The following TIAM1 variants were observed in gnomAD, a reference collection of about 807,000 sequenced individuals.
TIAM1 encodes the protein TIAM Rac1 associated GEF 1.
Under a neutral mutation model 163.5 loss-of-function variants are expected in TIAM1, and 65 were observed. That is an observed-to-expected ratio of 0.40 (90% CI 0.33 to 0.49). The LOEUF (loss-of-function observed/expected upper bound fraction) is 0.49. Ranked by LOEUF, TIAM1 falls within the 20% of genes least tolerant of loss-of-function variation. TIAM1 has a pLI of 0.77. For synonymous variants in TIAM1, 833 were observed against 810.1 expected (o/e 1.03, Z -0.48); for missense variants, 1,789 against 2,044.7 (o/e 0.87, Z 2.41).
chr21:31,171,070 C>A (rs534108153), intron 15 of TIAM1, among the ~76,000 whole-genome samples: 1 of 142,534 alleles, frequency 7.0e-6, no homozygotes, highest in East Asian at 2.0e-4. Flanking sequence ...AAATTGGGGG[C>A]CATCTGTATA....
At chr21:31,207,639 G>A (rs993006225) in intron 11 of TIAM1, among the ~76,000 whole-genome samples, 4 of 152,174 alleles carry the variant, frequency 2.6e-5, no homozygotes, top group Non-Finnish European at 4.4e-5. Flanking sequence ...AGCTTTAGAA[G>A]GCACCTGGCC....
intron 12 of TIAM1, among the ~76,000 whole-genome samples, chr21:31,200,963 G>C (rs1240109582): frequency 6.6e-6 from 1 of 152,104 alleles, no homozygotes; most frequent in Non-Finnish European, 1.5e-5. Flanking sequence ...TACATATATA[G>C]CTATCTGCAT....
At chr21:31,148,178 G>A (rs9980886) in intron 19 of TIAM1, among the ~76,000 whole-genome samples, 59,125 of 151,642 alleles carry the variant, frequency 0.39, 11,807 homozygotes, top group East Asian at 0.57. Context: ...TACTGCCATC[G>A]GACTCTGTGA....
At chr21:31,280,899 G>C (rs961908654) in intron 2 of TIAM1, among the ~76,000 whole-genome samples, 4 of 151,718 alleles carry the variant, frequency 2.6e-5, no homozygotes, top group African/African-American at 9.7e-5. Context: ...AGGATGGCTT[G>C]AGGACAGGAG....
chr21:31,473,420 A>G (rs2045819030), intron 1 of TIAM1, among the ~76,000 whole-genome samples: 1 of 120,704 alleles, frequency 8.3e-6, no homozygotes. Flanking sequence ...ACAGATCAAG[A>G]CTCCATCTCA....
intron 13 of TIAM1, among the ~76,000 whole-genome samples, chr21:31,189,406 G>A (rs1007691980): frequency 6.6e-6 from 1 of 152,046 alleles, no homozygotes; most frequent in Non-Finnish European, 1.5e-5. Flanking sequence ...TTAAATAGAG[G>A]AGACTTCCAG....
chr21:31,528,132 GC>G (rs1312527668), intron 1 of TIAM1, among the ~76,000 whole-genome samples: 1 of 152,180 alleles, frequency 6.6e-6, no homozygotes, highest in Non-Finnish European at 1.5e-5. Flanking sequence ...GATTAAGGGA[GC>G]AGGGAGGGGG....
intron 2 of TIAM1, among the ~76,000 whole-genome samples, chr21:31,393,578 C>T (rs1052053739): frequency 6.6e-6 from 1 of 152,190 alleles, no homozygotes; most frequent in Non-Finnish European, 1.5e-5. Flanking sequence ...CGGGAATCCT[C>T]TCCACCACCA....
chr21:31,161,071 GTGTGTGTT>G (rs1479269878), intron 16 of TIAM1, among the ~76,000 whole-genome samples: 8 of 147,002 alleles, frequency 5.4e-5, no homozygotes, highest in African/African-American at 2.1e-4. Context: ...GTGTGTGTGT[GTGTGTGTT>G]TAACAGTTGA....
intron 2 of TIAM1, among the ~76,000 whole-genome samples, chr21:31,405,785 T>C (rs552993956): frequency 6.6e-5 from 10 of 152,276 alleles, no homozygotes; most frequent in Admixed American, 3.3e-4. Context: ...ATGGGAATTA[T>C]GGGAGCCATA....
chr21:31,366,035 C>A (rs553698804), intron 2 of TIAM1, among the ~76,000 whole-genome samples: 1 of 140,764 alleles, frequency 7.1e-6, no homozygotes. Context: ...TGCAGTGAGC[C>A]GAGGTAGCTC....
At chr21:31,355,049 A>C (rs994993308) in intron 2 of TIAM1, among the ~76,000 whole-genome samples, 4 of 152,082 alleles carry the variant, frequency 2.6e-5, no homozygotes, top group African/African-American at 9.7e-5. Flanking sequence ...AACTCAGCCC[A>C]TTAAAGAAGA....
At chr21:31,312,031 T>C (rs1186002472) in intron 2 of TIAM1, among the ~76,000 whole-genome samples, 2 of 152,252 alleles carry the variant, frequency 1.3e-5, no homozygotes, top group Admixed American at 1.3e-4. Flanking sequence ...TTTTGGACTC[T>C]TGGACTTACA....
At chr21:31,164,640 C>T (rs1360744979) in intron 16 of TIAM1, among the ~76,000 whole-genome samples, 2 of 152,118 alleles carry the variant, frequency 1.3e-5, no homozygotes, top group Non-Finnish European at 2.9e-5. Flanking sequence ...ACTTTTGATG[C>T]TGTTTCATCC....
intron 2 of TIAM1, among the ~76,000 whole-genome samples, chr21:31,309,853 G>A (rs2074857913): frequency 1.3e-5 from 2 of 152,150 alleles, no homozygotes. Flanking sequence ...GACATCATCA[G>A]GCAAAGAAGA....
rs943525623 is a variant in TIAM1 at position 31,498,743 on chromosome 21, C to T, written c.-421-34708G>A. Among the ~76,000 whole-genome samples the T allele has an allele frequency of 5.9e-5, 9 of 151,936 alleles. 1 individual carries two copies. The East Asian group carries it at 7.8e-4, about 13-fold the overall frequency. On this transcript the variant is annotated intron_variant, in intron 1 of 28. Transcript: ENST00000286827. ...GGTGGATCACCTGAGGTCAAGAGTTCGAGACCAGCCTGGCCAACATGGTGA... is the reference window on the plus strand; with the variant it reads ...GGTGGATCACCTGAGGTCAAGAGTTTGAGACCAGCCTGGCCAACATGGTGA...
At chr21:31,289,556 G>T (rs1041769834) in intron 2 of TIAM1, among the ~76,000 whole-genome samples, 1 of 152,172 alleles carries the variant, frequency 6.6e-6, no homozygotes, top group East Asian at 1.9e-4. Context: ...TTAAAAGCCG[G>T]TGCAAGATAT....
At chr21:31,469,818 C>T (rs1440261479) in intron 1 of TIAM1, among the ~76,000 whole-genome samples, 1 of 146,974 alleles carries the variant, frequency 6.8e-6, no homozygotes, top group Non-Finnish European at 1.5e-5. Context: ...GGTGACAGAG[C>T]GAGACTCCAT....
At chr21:31,335,059 G>A (rs1315064948) in intron 2 of TIAM1, among the ~76,000 whole-genome samples, 1 of 152,048 alleles carries the variant, frequency 6.6e-6, no homozygotes, top group African/African-American at 2.4e-5. Flanking sequence ...AAGCCTCCAG[G>A]GTATCTTGCA....
Sources: allele counts gnomAD v4.1 joint callset (sites outside exome capture counted in the v4.1 genomes callset), GRCh38; gene constraint gnomAD v4.1.1; transcripts MANE v1.5; gene names NCBI Gene and HGNC (gene_info 2026-07-23, HGNC 2026-07-21).